Variants in PCDHGA3 observed in about 807,000 individuals in gnomAD.
PCDHGA3 encodes the protein protocadherin gamma-A3.
In PCDHGA3, 40 loss-of-function variants were observed where a neutral mutation model predicts 58.5. The ratio of observed to expected loss-of-function variants is 0.68; its 90% CI spans 0.53 to 0.89. The LOEUF is 0.89. Ranked by LOEUF, PCDHGA3 falls within the 40% of genes least tolerant of loss-of-function variation. The pLI is 0.00. For synonymous variants in PCDHGA3, 530 were observed against 525.7 expected (o/e 1.01, Z -0.11); for missense variants, 1,223 against 1,195.9 (o/e 1.02, Z -0.33).
chr5:141,408,937 C>T (rs2095198483), intron 1 of PCDHGA3: 5 of 1,613,344 alleles, frequency 3.1e-6, no homozygotes, highest in African/African-American at 1.3e-5. Flanking sequence ...TCAGCAGAGA[C>T]GAATATAGAA....
Position 141,417,931 on chromosome 5 carries a change from G to C in PCDHGA3, c.2424+71474G>C, listed in dbSNP as rs551432799. The C allele has an allele frequency of 6.2e-6, 10 of 1,611,500 alleles. No homozygotes were observed. In the South Asian group the frequency reaches 9.9e-5, roughly 16 times the overall value. On this transcript the variant is annotated intron_variant, in intron 1 of 3. Transcript: ENST00000253812. ...TACTATTTCCTTTGCTGCTGCCTTT[G>C]TTCTACCCCACGCTGTGTGAGCCGA...
At chr5:141,472,998 GAAAGAA>G (rs1489589280) in intron 1 of PCDHGA3, among the ~76,000 whole-genome samples, 8 of 134,744 alleles carry the variant, frequency 5.9e-5, no homozygotes, top group South Asian at 2.3e-4. Flanking sequence ...AAAAAAAAAA[GAAAGAA>G]AAAGAAAAAG....
chr5:141,360,401 G>A, intron 1 of PCDHGA3: 1 of 1,613,972 alleles, frequency 6.2e-7, no homozygotes. Context: ...GTGAGTGACA[G>A]AATAGACCGA....
In PCDHGA3 at chr5:141,431,321, G is replaced by A. The variant is rs112186927; in HGVS notation, c.2425-63486G>A. The A allele has an allele frequency of 1.2e-6, 2 of 1,613,938 alleles. No individual in the cohort carries two copies. The highest frequency in any genetic ancestry group is 1.3e-5 in the African/African-American group (1 of 74,910). ...CCTCATCGTGCAAAATGGAGCCGAC[G>A]GTAGTAAGTACCCCGAATTGGTGCT... is the stretch of plus-strand genomic sequence containing the variant. On this transcript the variant is annotated intron_variant, in intron 1 of 3. Transcript: ENST00000253812. The surrounding 1 kb of genome is among the most constrained non-coding windows in gnomAD (Gnocchi z 4.8).
intron 1 of PCDHGA3, chr5:141,408,518 T>A (rs1330187050): frequency 6.2e-7 from 1 of 1,614,010 alleles, no homozygotes; most frequent in African/African-American, 1.3e-5. Flanking sequence ...TGAGTTGCAA[T>A]TGGAAGCTGT....
chr5:141,475,167 G>A (rs529813171), intron 1 of PCDHGA3, among the ~76,000 whole-genome samples: 4 of 152,042 alleles, frequency 2.6e-5, no homozygotes, highest in Admixed American at 6.6e-5. Flanking sequence ...CATTAGCAGT[G>A]CAACTTCTTG....
chr5:141,369,694 A>G (rs925359882), intron 1 of PCDHGA3, among the ~76,000 whole-genome samples: 1 of 152,246 alleles, frequency 6.6e-6, no homozygotes, highest in Non-Finnish European at 1.5e-5. Flanking sequence ...AATAAAACTA[A>G]AAGCTATGAC....
chr5:141,436,840 C>T (rs1195342311), intron 1 of PCDHGA3, among the ~76,000 whole-genome samples: 1 of 152,220 alleles, frequency 6.6e-6, no homozygotes, highest in Admixed American at 6.5e-5. Flanking sequence ...TGCCTAGGCA[C>T]ATTCTTGATT....
chr5:141,382,131 C>G (rs2150200415), intron 1 of PCDHGA3, among the ~76,000 whole-genome samples: 1 of 152,134 alleles, frequency 6.6e-6, no homozygotes, highest in African/African-American at 2.4e-5. Flanking sequence ...CCTGGCCCCC[C>G]CTCTCATTTT....
intron 1 of PCDHGA3, chr5:141,371,345 T>A: frequency 6.2e-7 from 1 of 1,613,878 alleles, no homozygotes; most frequent in Non-Finnish European, 8.5e-7. Context: ...GCTACACAAT[T>A]GGGGTGGAAG....
At chr5:141,464,861 C>G (rs1178430383) in intron 1 of PCDHGA3, among the ~76,000 whole-genome samples, 1 of 152,134 alleles carries the variant, frequency 6.6e-6, no homozygotes, top group Non-Finnish European at 1.5e-5. Flanking sequence ...ACCTTAGCCT[C>G]CCAAGTAGCT....
intron 1 of PCDHGA3, chr5:141,415,740 G>GTTTTTTTTTTTTTTTTTTTTTTTTTTTTT (rs57426385): frequency 8.0e-6 from 5 of 625,030 alleles, no homozygotes; most frequent in African/African-American, 2.5e-5. Flanking sequence ...GTTTATTAAG[G>GTTTTTTTTTTTTTTTTTTTTTTTTTTTTT]TTTTTTTTTT....
chr5:141,352,387 G>A (rs746278083), intron 1 of PCDHGA3: 21 of 1,613,926 alleles, frequency 1.3e-5, no homozygotes, highest in Non-Finnish European at 1.8e-5. Flanking sequence ...CGATCGCCCT[G>A]CGCCTGCGAC....
In PCDHGA3 at chr5:141,417,067, A is replaced by G. The variant is rs1008801110; in HGVS notation, c.2424+70610A>G. The stretch of plus-strand genomic sequence containing the variant: ...AAAAACTGCTCTTGACATTGTAGCT[A>G]TTGTGAGAAAATATTTTGATTATAA... On this transcript the variant is annotated intron_variant, in intron 1 of 3. Coordinates refer to ENST00000253812, the MANE Select transcript of PCDHGA3 (RefSeq NM_018916.4). 2.0e-5 allele frequency: 3 copies of G among 152,102 alleles called. No homozygotes were observed. The South Asian group carries it at 6.2e-4, about 31-fold the overall frequency. 9.4% of individuals were successfully genotyped at this position (152,102 alleles called of 1,614,324 possible).
intron 1 of PCDHGA3, chr5:141,364,987 C>G (rs1267926945): frequency 6.2e-7 from 1 of 1,613,904 alleles, no homozygotes; most frequent in African/African-American, 1.3e-5. Context: ...ATGGCGGAGA[C>G]CCGGTACTCT....
chr5:141,489,864 T>G lies in PCDHGA3; in HGVS notation c.2425-4943T>G, dbSNP rs1274301673. ...TGGATCGTGAAGCCCAGGCAAGACA[T>G]CAGCTGGTGCTTACTGCTGTGGATG... On this transcript the variant is annotated intron_variant, in intron 1 of 3. Coordinates refer to ENST00000253812, the MANE Select transcript of PCDHGA3 (RefSeq NM_018916.4). This position sits in a 1 kb window ranked among gnomAD's most constrained non-coding sequence, Gnocchi z 4.5. 5 of 1,614,064 alleles carry G rather than the reference T, an allele frequency of 3.1e-6. No individual in the cohort carries two copies. The highest frequency in any genetic ancestry group is 3.4e-6 in the Non-Finnish European group (4 of 1,180,022).
Position 141,501,290 on chromosome 5 carries a change from TACACACACACACAC to T in PCDHGA3, c.2484-4072_2484-4059del, listed in dbSNP as rs55762287. ...GTCCAGTCTATGGGATATTCCCTTA[TACACACACACACAC>T]ACACACACACACACACACACACACA... On this transcript the variant is annotated intron_variant, in intron 2 of 3. Transcript: ENST00000253812. Among the ~76,000 whole-genome samples, 10 of 136,248 alleles carry T rather than the reference TACACACACACACAC, an allele frequency of 7.3e-5. No homozygotes were observed. In the South Asian group the frequency reaches 1.2e-3, roughly 16 times the overall value. 89.4% of individuals were successfully genotyped at this position (136,248 alleles called of 152,430 possible).
chr5:141,455,476 G>C (rs2098823789), intron 1 of PCDHGA3, among the ~76,000 whole-genome samples: 1 of 152,218 alleles, frequency 6.6e-6, no homozygotes. Flanking sequence ...ATATGCAGAG[G>C]CTGGTGGAGG....
Position 141,490,325 on chromosome 5 carries a change from G to A in PCDHGA3, c.2425-4482G>A. 1 of 1,614,236 alleles carries A rather than the reference G, an allele frequency of 6.2e-7. No individual in the cohort carries two copies. Among genetic ancestry groups the A allele is most frequent in the Non-Finnish European group, 8.5e-7 (1 of 1,180,038 alleles). On this transcript the variant is annotated intron_variant, in intron 1 of 3. Transcript: ENST00000253812. This position sits in a 1 kb window ranked among gnomAD's most constrained non-coding sequence, Gnocchi z 5.4. ...TCTTTGGCCAACCCTGTCCTAGAGA[G>A]CACACCAGTGGGCACAGTAGTGGGG...
Sources: allele counts gnomAD v4.1 joint callset (sites outside exome capture counted in the v4.1 genomes callset), GRCh38; gene constraint gnomAD v4.1.1; non-coding constraint Gnocchi (gnomAD v3.1); transcripts MANE v1.5; gene names NCBI Gene and HGNC (gene_info 2026-07-23, HGNC 2026-07-21).